The following ANK3 variants were observed in gnomAD, a reference collection of about 807,000 sequenced individuals.
ANK3 encodes the protein ankyrin 3.
In ANK3, 57 loss-of-function variants were observed where a neutral mutation model predicts 370.9. The ratio of observed to expected loss-of-function variants is 0.15; its 90% CI spans 0.12 to 0.19. ANK3 has a LOEUF of 0.19. ANK3 is among the 10% of genes least tolerant of loss of function. ANK3 has a pLI of 1.00. For missense variants in ANK3, 4,439 were observed against 5,302.1 expected (o/e 0.84, Z 5.06); for synonymous variants, 1,929 against 1,946.3 (o/e 0.99, Z 0.23).
At chr10:60,368,561 A>G (rs886572796) in intron 1 of ANK3, among the ~76,000 whole-genome samples, 1 of 152,222 alleles carries the variant, frequency 6.6e-6, no homozygotes. Flanking sequence ...AAGTTAAGGT[A>G]TAATCATGAT....
chr10:60,511,248 T>C (rs953239471), intron 2 of ANK3, among the ~76,000 whole-genome samples: 2 of 152,146 alleles, frequency 1.3e-5, no homozygotes, highest in Admixed American at 1.3e-4. Flanking sequence ...AGCAAGAGAA[T>C]GTTGGCCAAT....
chr10:60,654,409 A>G (rs2078834575), intron 1 of ANK3, among the ~76,000 whole-genome samples: 1 of 152,180 alleles, frequency 6.6e-6, no homozygotes, highest in African/African-American at 2.4e-5. Flanking sequence ...TCTCACCATT[A>G]AGTATAATGG....
intron 7 of ANK3, among the ~76,000 whole-genome samples, chr10:60,252,050 T>C (rs1017612666): frequency 2.0e-5 from 3 of 152,240 alleles, no homozygotes; most frequent in Non-Finnish European, 2.9e-5. Context: ...TGATCTTCTA[T>C]CTGAATTTAT....
In ANK3 at chr10:60,134,147, A is replaced by G. The variant is rs113922415; in HGVS notation, c.2841+124T>C. 5.9e-5 allele frequency: 46 copies of G among 781,224 alleles called. No homozygotes were observed. The African/African-American group carries it at 6.9e-4, about 12-fold the overall frequency. 48.4% of individuals were successfully genotyped at this position (781,224 alleles called of 1,614,324 possible). On this transcript the variant is annotated intron_variant, in intron 25 of 43. Coordinates refer to ENST00000280772, the MANE Select transcript of ANK3 (RefSeq NM_020987.5). ...TATTTTTTTTTAACTGGCTAGTACC[A>G]GAAGATTTACAAATGTAAAATCAAA... is the stretch of plus-strand genomic sequence containing the variant.
intron 8 of ANK3, among the ~76,000 whole-genome samples, chr10:60,218,273 C>T (rs964242807): frequency 1.3e-5 from 2 of 151,882 alleles, no homozygotes; most frequent in East Asian, 3.9e-4. Flanking sequence ...GGCCTTTCGC[C>T]CATTTATAGT....
At chr10:60,247,032 T>A (rs2097566150) in intron 7 of ANK3, among the ~76,000 whole-genome samples, 1 of 152,200 alleles carries the variant, frequency 6.6e-6, no homozygotes, top group African/African-American at 2.4e-5. Flanking sequence ...ATTTATTTAT[T>A]TGAGATGGAG....
At chr10:60,395,893 TA>T (rs751102885) in intron 2 of ANK3, among the ~76,000 whole-genome samples, 4 of 152,056 alleles carry the variant, frequency 2.6e-5, no homozygotes, top group Non-Finnish European at 5.9e-5. Context: ...TGGGGTAACG[TA>T]AAACAGAATG....
In ANK3 at chr10:60,054,907, C is replaced by T. The variant is rs148066556; in HGVS notation, c.13065+751G>A. Among the ~76,000 whole-genome samples, 90 of 152,040 alleles carry T rather than the reference C, an allele frequency of 5.9e-4. 1 individual carries two copies. In the East Asian group the frequency reaches 0.014, roughly 24 times the overall value. On this transcript the variant is annotated intron_variant, in intron 42 of 43. Coordinates refer to ENST00000280772, the MANE Select transcript of ANK3 (RefSeq NM_020987.5). Reference sequence around the variant, plus strand: ...GCTGCTTTTTATTTTCTTATATCCACGTATGAGTCATCATTTCAGTTTAAA... The same window carrying T: ...GCTGCTTTTTATTTTCTTATATCCATGTATGAGTCATCATTTCAGTTTAAA...
At chr10:60,216,433 T>C (rs1235939602) in intron 8 of ANK3, among the ~76,000 whole-genome samples, 1 of 152,140 alleles carries the variant, frequency 6.6e-6, no homozygotes, top group African/African-American at 2.4e-5. Flanking sequence ...TTTTGAGATA[T>C]GTTCCATCAA....
intron 1 of ANK3, among the ~76,000 whole-genome samples, chr10:60,659,609 A>G (rs576384886): frequency 6.6e-6 from 1 of 152,254 alleles, no homozygotes; most frequent in East Asian, 1.9e-4. Context: ...ATCACTGTAC[A>G]TATAAACATT....
chr10:60,057,252 CTCTTTCCTTTCCAAT>C (rs1184095293), intron 41 of ANK3, among the ~76,000 whole-genome samples: 9 of 152,146 alleles, frequency 5.9e-5, no homozygotes, highest in Admixed American at 5.9e-4. Context: ...ACTATTAAAA[CTCTTTCCTTTCCAAT>C]GCTTTCTTTT....
intron 41 of ANK3, among the ~76,000 whole-genome samples, chr10:60,057,463 T>G (rs1479123226): frequency 6.6e-6 from 1 of 152,210 alleles, no homozygotes; most frequent in African/African-American, 2.4e-5. Flanking sequence ...TCTGATTATC[T>G]GAACATACTT....
At chr10:60,387,272 A>G (rs2062515696) in intron 1 of ANK3, among the ~76,000 whole-genome samples, 1 of 152,228 alleles carries the variant, frequency 6.6e-6, no homozygotes, top group Non-Finnish European at 1.5e-5. Context: ...GAGGTCTACA[A>G]CATGGAACGA....
At chr10:60,519,999 A>C (rs2076311760) in intron 2 of ANK3, among the ~76,000 whole-genome samples, 1 of 152,124 alleles carries the variant, frequency 6.6e-6, no homozygotes, top group Non-Finnish European at 1.5e-5. Context: ...ACACAAAGTC[A>C]AGTAACTCTA....
At chr10:60,196,813 A>C (rs1335816728) in intron 14 of ANK3, among the ~76,000 whole-genome samples, 188 bp from the exon 15 acceptor site, 1 of 152,190 alleles carries the variant, frequency 6.6e-6, no homozygotes, top group South Asian at 2.1e-4. Flanking sequence ...CTCACAGATA[A>C]GAGTTCAAGA....
At chr10:60,059,904 A>G (rs1275648808) in intron 40 of ANK3, 1 of 1,614,178 alleles carries the variant, frequency 6.2e-7, no homozygotes. Flanking sequence ...GGGAGATTCT[A>G]TGCTAGAGAT....
chr10:60,268,126 A>C (rs1382512074), intron 5 of ANK3, among the ~76,000 whole-genome samples: 1 of 152,048 alleles, frequency 6.6e-6, no homozygotes, highest in East Asian at 1.9e-4. Context: ...TCCTGTCTCT[A>C]CCTCCTGAGG....
intron 1 of ANK3, among the ~76,000 whole-genome samples, chr10:60,373,916 A>G (rs2132797874): frequency 6.6e-6 from 1 of 152,258 alleles, no homozygotes; most frequent in South Asian, 2.1e-4. Context: ...GTTGAGAGTC[A>G]CTGGCCTAAA....
intron 18 of ANK3, 32 bp from the exon 19 acceptor site, chr10:60,173,218 T>C (rs774075343): frequency 1.2e-5 from 19 of 1,529,332 alleles, no homozygotes; most frequent in East Asian, 4.6e-5. Context: ...AAAAGAAGCA[T>C]CATAATTACA....
Sources: allele counts gnomAD v4.1 joint callset (sites outside exome capture counted in the v4.1 genomes callset), GRCh38; gene constraint gnomAD v4.1.1; transcripts MANE v1.5; gene names NCBI Gene and HGNC (gene_info 2026-07-23, HGNC 2026-07-21).